The following ZNF536 variants were observed in gnomAD, a reference collection of about 807,000 sequenced individuals.
ZNF536 encodes zinc finger protein 536.
ZNF536 carries 13 observed loss-of-function variants against 84.5 expected under a neutral mutation model. The ratio of observed to expected loss-of-function variants is 0.15; its 90% CI spans 0.10 to 0.24. ZNF536 has a LOEUF of 0.24. ZNF536 is among the 10% of genes least tolerant of loss of function. The probability of loss-of-function intolerance (pLI) is 1.00; values close to 1 mark genes in which losing one functional copy is unlikely to be tolerated. For synonymous variants in ZNF536, 811 were observed against 742.5 expected, an observed-to-expected ratio of 1.09 and a Z score of -1.50; for missense variants, 1,536 against 1,747.5, an observed-to-expected ratio of 0.88 and a Z score of 2.16.
chr19:30,229,593 C>T (rs992322384), intron 1 of ZNF536, among the ~76,000 whole-genome samples: 2 of 152,050 alleles, frequency 1.3e-5, no homozygotes, highest in Non-Finnish European at 2.9e-5. Context: ...AGCTTTCAGT[C>T]CAGGGAGTCG....
At chr19:30,355,165 C>A (rs2048052119) in intron 3 of ZNF536, among the ~76,000 whole-genome samples, 1 of 151,984 alleles carries the variant, frequency 6.6e-6, no homozygotes, top group African/African-American at 2.4e-5. Flanking sequence ...TCAGCTTCTG[C>A]AACTGCATGA....
At chr19:30,448,528 G>A (rs867710234) in intron 2 of ZNF536, among the ~76,000 whole-genome samples, 4 of 152,222 alleles carry the variant, frequency 2.6e-5, no homozygotes, top group Middle Eastern at 6.8e-3. Context: ...TGCAAAACAC[G>A]GTTTTACAAA....
At chr19:30,241,281 C>G (rs1295305638) in intron 1 of ZNF536, among the ~76,000 whole-genome samples, 1 of 152,196 alleles carries the variant, frequency 6.6e-6, no homozygotes, top group Non-Finnish European at 1.5e-5. Context: ...TGCCACTGCA[C>G]TCCAGCCTAG....
At chr19:30,270,336 G>T (rs1231576631) in intron 1 of ZNF536, among the ~76,000 whole-genome samples, 1 of 152,200 alleles carries the variant, frequency 6.6e-6, no homozygotes. Flanking sequence ...CAAGATGTCT[G>T]TCATCCTTCT....
intron 2 of ZNF536, among the ~76,000 whole-genome samples, chr19:30,335,685 G>A (rs555317131): frequency 6.6e-6 from 1 of 152,304 alleles, no homozygotes; most frequent in Admixed American, 6.5e-5. Context: ...GAAGCTGCGA[G>A]TGCCACTTCC....
chr19:30,454,206 C>T (rs2052735706), intron 2 of ZNF536, among the ~76,000 whole-genome samples: 2 of 152,248 alleles, frequency 1.3e-5, no homozygotes, highest in African/African-American at 4.8e-5. Context: ...ACAGAGGCAA[C>T]TTGTAGGACT....
chr19:30,674,871 C>T (rs1364234649), intron 1 of ZNF536, among the ~76,000 whole-genome samples: 1 of 152,088 alleles, frequency 6.6e-6, no homozygotes, highest in African/African-American at 2.4e-5. Context: ...TCCAGCCATC[C>T]CCCTGTGGTC....
intron 1 of ZNF536, among the ~76,000 whole-genome samples, chr19:30,701,232 GACACACACAAACACAAAC>G (rs2051943091): frequency 1.4e-5 from 2 of 145,650 alleles, no homozygotes; most frequent in African/African-American, 5.1e-5. Flanking sequence ...AACACACACA[GACACACACAAACACAAAC>G]ACACACACAA....
chr19:30,505,720 C>T (rs2055148569), intron 2 of ZNF536, among the ~76,000 whole-genome samples: 1 of 152,056 alleles, frequency 6.6e-6, no homozygotes, highest in Non-Finnish European at 1.5e-5. Context: ...TGCTGGAGTG[C>T]AGTGGCATGA....
intron 2 of ZNF536, among the ~76,000 whole-genome samples, chr19:30,303,452 G>GC (rs931156447): frequency 5.3e-5 from 8 of 152,142 alleles, no homozygotes; most frequent in African/African-American, 1.7e-4. Flanking sequence ...AGAGCAGACA[G>GC]CCTGGGGGGT....
intron 1 of ZNF536, among the ~76,000 whole-genome samples, chr19:30,567,429 C>T (rs562741532): frequency 1.3e-5 from 2 of 152,308 alleles, no homozygotes; most frequent in East Asian, 1.9e-4. Flanking sequence ...ATGACAAAGT[C>T]GCAGTGATAA....
chr19:30,361,149 T>C (rs200027764), intron 3 of ZNF536, among the ~76,000 whole-genome samples: 1 of 152,314 alleles, frequency 6.6e-6, no homozygotes, highest in East Asian at 1.9e-4. Context: ...AAGTTATGTG[T>C]TTTACTGAGA....
intron 2 of ZNF536, among the ~76,000 whole-genome samples, chr19:30,495,398 A>G (rs2054677868): frequency 6.6e-6 from 1 of 152,198 alleles, no homozygotes. Context: ...TATTTGTTGA[A>G]TAAATGAATG....
rs749535726 is a variant in ZNF536, at chr19:30,445,642, G to A, written c.2080G>A (p.Val694Ile). The change falls in exon 2 of 5, where the codon GTC becomes ATC. Residue 694 changes from valine (V) to isoleucine (I), a missense_variant. This residue lies in a region of ZNF536 where 148 missense variants were observed against 205.4 expected (regional missense o/e 0.72). Coordinates refer to ENST00000355537, the MANE Select transcript of ZNF536 (RefSeq NM_014717.3). This position sits in a 1 kb window ranked among gnomAD's most constrained non-coding sequence, Gnocchi z 4.5. ...SRSTTPGSSNVTEESGVGGGL... is the reference protein window; with the variant it reads ...SRSTTPGSSNITEESGVGGGL... The stretch of plus-strand genomic sequence containing the variant: ...CTCCACCACGCCGGGCTCCTCTAAC[G>A]TCACCGAGGAGAGCGGGGTCGGAGG... 2.5e-6 allele frequency: 4 copies of A among 1,612,656 alleles called. No individual in the cohort carries two copies. Among genetic ancestry groups the A allele is most frequent in the Non-Finnish European group, 3.4e-6 (4 of 1,179,524 alleles).
At chr19:30,457,089 T>A (rs1435229744) in intron 2 of ZNF536, among the ~76,000 whole-genome samples, 1 of 150,656 alleles carries the variant, frequency 6.6e-6, no homozygotes, top group Non-Finnish European at 1.5e-5. Flanking sequence ...TGCATCTCAG[T>A]GTCTGGAAGC....
At chr19:30,466,755 G>GGGAAGGAAGGAAGGAAGGAAGGAA (rs1300813936) in intron 2 of ZNF536, among the ~76,000 whole-genome samples, 4 of 62,578 alleles carry the variant, frequency 6.4e-5, no homozygotes, top group East Asian at 5.2e-4. Flanking sequence ...GAAGAAAGGA[G>GGGAAGGAAGGAAGGAAGGAAGGAA]GGAAGGAAGG....
intron 2 of ZNF536, among the ~76,000 whole-genome samples, chr19:30,295,962 G>A: frequency 6.6e-6 from 1 of 152,304 alleles, no homozygotes; most frequent in African/African-American, 2.4e-5. Flanking sequence ...GTTCACACCT[G>A]TCCAGAGGCC....
At chr19:30,653,904 C>T (rs985108824) in intron 1 of ZNF536, among the ~76,000 whole-genome samples, 2 of 152,178 alleles carry the variant, frequency 1.3e-5, no homozygotes, top group Non-Finnish European at 2.9e-5. Context: ...CTGCTGCTGG[C>T]TCTTGTCTGG....
At chr19:30,597,328 G>A (rs781038194) in intron 1 of ZNF536, among the ~76,000 whole-genome samples, 10 of 152,240 alleles carry the variant, frequency 6.6e-5, no homozygotes, top group South Asian at 4.1e-4. Context: ...AGAATGCCAC[G>A]TGCTTGGCAA....
Sources: allele counts gnomAD v4.1 joint callset (sites outside exome capture counted in the v4.1 genomes callset), GRCh38; gene constraint gnomAD v4.1.1; regional missense constraint gnomAD v4.1.1; non-coding constraint Gnocchi (gnomAD v3.1); transcripts MANE v1.5; gene names NCBI Gene and HGNC (gene_info 2026-07-23, HGNC 2026-07-21).